The following DLC1 variants were observed in gnomAD, a reference collection of about 807,000 sequenced individuals.
DLC1 encodes DLC1 Rho GTPase activating protein, also known as rho GTPase-activating protein 7.
Under a neutral mutation model 140.3 loss-of-function variants are expected in DLC1, and 54 were observed. That is an observed-to-expected ratio of 0.38 (90% CI 0.31 to 0.48). The LOEUF (loss-of-function observed/expected upper bound fraction) is 0.48, where lower values mean the gene tolerates loss of function less well. Among genes scored for constraint, DLC1 ranks in the 20% least tolerant of loss-of-function variants. The pLI is 0.96. For missense variants in DLC1, 2,536 were observed against 1,907.0 expected (o/e 1.33, Z -6.14); for synonymous variants, 986 against 728.1 (o/e 1.35, Z -5.70).
chr8:13,324,572 C>CAAAAAAAA (rs5889431), intron 4 of DLC1, among the ~76,000 whole-genome samples: 2 of 110,230 alleles, frequency 1.8e-5, no homozygotes, highest in Middle Eastern at 5.7e-3. Flanking sequence ...GACTCCGTCT[C>CAAAAAAAA]AAAAAAAAAA....
chr8:13,280,154 G>T (rs1024931296), intron 5 of DLC1, among the ~76,000 whole-genome samples: 5 of 151,086 alleles, frequency 3.3e-5, no homozygotes, highest in African/African-American at 1.2e-4. Flanking sequence ...CGGGCGTGGT[G>T]GCAGGTACCT....
intron 5 of DLC1, among the ~76,000 whole-genome samples, chr8:13,288,667 G>T (rs1037779797): frequency 2.6e-5 from 4 of 152,174 alleles, no homozygotes; most frequent in Non-Finnish European, 5.9e-5. Flanking sequence ...GTGCCATCAA[G>T]GTCTAGAATA....
At chr8:13,483,994 C>T (rs553592774) in intron 2 of DLC1, among the ~76,000 whole-genome samples, 1 of 152,172 alleles carries the variant, frequency 6.6e-6, no homozygotes, top group African/African-American at 2.4e-5. Flanking sequence ...GCAAGAGAAT[C>T]GATTGAACCT....
intron 1 of DLC1, among the ~76,000 whole-genome samples, chr8:13,601,975 G>C (rs1408492070): frequency 6.6e-6 from 1 of 151,644 alleles, no homozygotes; most frequent in Non-Finnish European, 1.5e-5. Context: ...ATGGCATTGA[G>C]CTCCAATGGC....
chr8:13,402,337 TAG>T (rs905004485), intron 2 of DLC1, among the ~76,000 whole-genome samples: 1 of 152,210 alleles, frequency 6.6e-6, no homozygotes, highest in Non-Finnish European at 1.5e-5. Flanking sequence ...ATAGAGCATA[TAG>T]AGTTACTTGG....
At chr8:13,236,533 T>G (rs1005027632) in intron 5 of DLC1, among the ~76,000 whole-genome samples, 4 of 152,144 alleles carry the variant, frequency 2.6e-5, no homozygotes, top group African/African-American at 9.6e-5. Context: ...CAATAATTAG[T>G]GTAGTGAACA....
At chr8:13,214,635 G>A (rs765696502) in intron 5 of DLC1, 2 of 776,674 alleles carry the variant, frequency 2.6e-6, no homozygotes, top group Admixed American at 3.4e-5. Flanking sequence ...CCTAGGTGAT[G>A]TTTTCTTCTC....
intron 2 of DLC1, among the ~76,000 whole-genome samples, chr8:13,470,169 A>C (rs62494068): frequency 0.31 from 47,873 of 151,992 alleles, 7,967 homozygotes; most frequent in Middle Eastern, 0.42. Context: ...GAAAGGAAGA[A>C]AGCATATTTG....
intron 5 of DLC1, among the ~76,000 whole-genome samples, chr8:13,247,118 T>C (rs748937619): frequency 3.3e-5 from 5 of 152,222 alleles, no homozygotes; most frequent in African/African-American, 7.2e-5. Flanking sequence ...ATTTAGTGCA[T>C]GGCCACTGAA....
In DLC1 at chr8:13,577,335, A is replaced by G. The variant is rs528760973; in HGVS notation, c.-126+27202T>C. On this transcript the variant is annotated intron_variant, in intron 1 of 1. Transcript: ENST00000631382. ...CAAGGACTCCATCTAATTACAGCTTATTATGCGATGGGTCAGTGTCCGTGT... is the reference window on the plus strand; with the variant it reads ...CAAGGACTCCATCTAATTACAGCTTGTTATGCGATGGGTCAGTGTCCGTGT... Among the ~76,000 whole-genome samples, 31 of 152,310 alleles carry G rather than the reference A, an allele frequency of 2.0e-4. 1 individual carries two copies. In the South Asian group the frequency reaches 6.2e-3, roughly 31 times the overall value.
rs1308548930 is a variant in DLC1 at position 13,098,564 on chromosome 8, C to A, written c.3002G>T (p.Arg1001Ile). Residue 1001 changes from arginine (R) to isoleucine (I), a missense_variant, in exon 10 of 18, where the codon AGA (arginine) becomes ATA (isoleucine). Arg to Ile is a moderately conservative substitution (Grantham distance 97). Coordinates refer to ENST00000276297, the MANE Select transcript of DLC1 (RefSeq NM_182643.3). ...SLTRSNRHRL[R>I]WHSFQSSHRP... ...ATGTGAGCTCTGGAAACTGTGCCAT[C>A]TCAGTCGGTGCCTGCGAGAGAAGAG... 3 of 1,613,912 alleles carry A rather than the reference C, an allele frequency of 1.9e-6. No individual in the cohort carries two copies. Among genetic ancestry groups the A allele is most frequent in the African/African-American group, 1.3e-5 (1 of 74,930 alleles).
At chr8:13,266,821 A>G (rs1329756865) in intron 5 of DLC1, among the ~76,000 whole-genome samples, 1 of 152,216 alleles carries the variant, frequency 6.6e-6, no homozygotes, top group Non-Finnish European at 1.5e-5. Context: ...ACTGTTAGAA[A>G]CTGAAATAAA....
intron 5 of DLC1, among the ~76,000 whole-genome samples, chr8:13,224,595 G>C (rs532316204): frequency 6.6e-6 from 1 of 152,302 alleles, no homozygotes; most frequent in East Asian, 1.9e-4. Flanking sequence ...GTGGTCAAAG[G>C]TTAAAGGTGA....
intron 2 of DLC1, among the ~76,000 whole-genome samples, chr8:13,433,610 T>C (rs1029012523): frequency 6.6e-5 from 10 of 152,216 alleles, no homozygotes; most frequent in Non-Finnish European, 1.5e-4. Flanking sequence ...AAGAAATTTC[T>C]GAAACTCACA....
In DLC1 at chr8:13,441,552, T is replaced by C. The variant is rs1359445363; in HGVS notation, c.1024-39933A>G. ...CAATGTGCAAAAATCACAAGCATTC[T>C]TATACACCAATAACAGACAAACAGA... On this transcript the variant is annotated intron_variant, in intron 2 of 17. Transcript: ENST00000276297. Among the ~76,000 whole-genome samples the C allele has an allele frequency of 3.3e-5, 5 of 152,186 alleles. No homozygotes were observed. In the East Asian group the frequency reaches 9.7e-4, roughly 29 times the overall value.
intron 2 of DLC1, among the ~76,000 whole-genome samples, chr8:13,425,617 A>G (rs1408985021): frequency 2.0e-5 from 3 of 152,078 alleles, no homozygotes. Flanking sequence ...GTTGCATTTT[A>G]TGGACATTTT....
At chr8:13,212,936 G>A (rs772180251) in intron 5 of DLC1, among the ~76,000 whole-genome samples, 6 of 152,100 alleles carry the variant, frequency 3.9e-5, no homozygotes, top group Non-Finnish European at 7.4e-5. Flanking sequence ...GAAGGGCGCC[G>A]TTTAAATTTT....
At chr8:13,115,559 T>A in intron 6 of DLC1, 27 bp downstream of exon 6, 1 of 1,606,730 alleles carries the variant, frequency 6.2e-7, no homozygotes, top group Non-Finnish European at 8.5e-7. Flanking sequence ...TTATGCCAAC[T>A]TTTAAAAAGT....
chr8:13,485,428 C>T (rs1312218950), intron 2 of DLC1, among the ~76,000 whole-genome samples: 2 of 152,194 alleles, frequency 1.3e-5, no homozygotes, highest in Non-Finnish European at 2.9e-5. Flanking sequence ...TCTGCTGTCT[C>T]AAGTGACCTT....
Sources: gnomAD v4.1 joint callset for allele counts (sites outside exome capture counted in the v4.1 genomes callset) on GRCh38, gnomAD v4.1.1 for gene constraint, MANE v1.5 for transcripts, NCBI Gene and HGNC (gene_info 2026-07-23, HGNC 2026-07-21) for gene names.